The following ATP6V1E1 variants were observed in gnomAD, a reference collection of about 807,000 sequenced individuals.
The protein encoded by ATP6V1E1 is ATPase H+ transporting V1 subunit E1, also known as V-type proton ATPase subunit E 1.
ATP6V1E1 carries 21 observed loss-of-function variants against 35.2 expected under a neutral mutation model. That is an observed-to-expected ratio of 0.60 (90% CI 0.42 to 0.86). The LOEUF (loss-of-function observed/expected upper bound fraction) is 0.86, where lower values mean the gene tolerates loss of function less well. Ranked by LOEUF, ATP6V1E1 falls within the 40% of genes least tolerant of loss-of-function variation. The pLI, the probability that ATP6V1E1 is intolerant of heterozygous loss-of-function variation, is 0.00. For synonymous variants in ATP6V1E1, 83 were observed against 87.8 expected (o/e 0.95, Z 0.30); for missense variants, 183 against 272.6 (o/e 0.67, Z 2.32).
At chr22:17,619,328 G>A in intron 2 of ATP6V1E1, 133 bp downstream of exon 2, 2 of 796,568 alleles carry the variant, frequency 2.5e-6, no homozygotes, top group Non-Finnish European at 4.0e-6. Flanking sequence ...AGGAGGGGAA[G>A]GAGGGAAGGA....
intron 2 of ATP6V1E1, among the ~76,000 whole-genome samples, chr22:17,613,580 G>T (rs1332055438): frequency 6.7e-6 from 1 of 149,008 alleles, no homozygotes; most frequent in Non-Finnish European, 1.5e-5. Flanking sequence ...TAATTGGGTA[G>T]AATATTCTGC....
At chr22:17,620,685 T>G (rs890359162) in intron 1 of ATP6V1E1, among the ~76,000 whole-genome samples, 1 of 152,184 alleles carries the variant, frequency 6.6e-6, no homozygotes, top group Non-Finnish European at 1.5e-5. Flanking sequence ...TCTCAGGGAT[T>G]AGCACCAACA....
Position 17,601,088 on chromosome 22 carries a change from G to A in ATP6V1E1, c.366+4C>T. The stretch of plus-strand genomic sequence containing the variant: ...TCAACAGTAGATCTGGTCTATGAGG[G>A]TACCTGGAGAACCAGTCCATCCAGC... On this transcript the variant is annotated splice_donor_region_variant and intron_variant, in intron 5 of 8. Coordinates refer to ENST00000253413, the MANE Select transcript of ATP6V1E1 (RefSeq NM_001696.4). 6.2e-7 allele frequency: 1 copy of A among 1,611,234 alleles called. No individual in the cohort carries two copies. The highest frequency in any genetic ancestry group is 8.5e-7 in the Non-Finnish European group (1 of 1,178,728).
intron 7 of ATP6V1E1, chr22:17,594,912 G>A (rs1222896837): frequency 2.6e-5 from 5 of 191,664 alleles, no homozygotes; most frequent in African/African-American, 7.0e-5. Flanking sequence ...TAGCTAATAC[G>A]ATGTAAATGG....
chr22:17,605,223 AG>A lies in ATP6V1E1; in HGVS notation c.277-4043del, dbSNP rs1189129633. Among the ~76,000 whole-genome samples, 230 of 133,954 alleles carry A rather than the reference AG, an allele frequency of 1.7e-3. 1 individual carries two copies. Among genetic ancestry groups the A allele is most frequent in the Admixed American group, 5.2e-3 (67 of 12,892 alleles). 87.9% of individuals were successfully genotyped at this position (133,954 alleles called of 152,430 possible). A position where few individuals can be genotyped will look rare whatever the true frequency, so the allele number is the denominator to read the frequency against. ...TTCATCTCAAAAAAAAAAAAAAAAA[AG>A]AAAAGAAAAGAAAAGAAAACTTATG... On this transcript the variant is annotated intron_variant, in intron 4 of 8. Transcript: ENST00000253413.
intron 1 of ATP6V1E1, among the ~76,000 whole-genome samples, chr22:17,626,353 C>CATTTG (rs2057905628): frequency 1.3e-5 from 2 of 150,404 alleles, no homozygotes; most frequent in South Asian, 4.2e-4. Context: ...AGCGGTCTTC[C>CATTTG]ATTTGACACA....
intron 1 of ATP6V1E1, among the ~76,000 whole-genome samples, chr22:17,627,920 C>G (rs574687597): frequency 2.7e-5 from 4 of 149,748 alleles, no homozygotes; most frequent in Non-Finnish European, 3.0e-5. Context: ...GCACTGTTTC[C>G]TATCATATAG....
intron 2 of ATP6V1E1, chr22:17,619,068 C>A (rs5746446): frequency 2.2e-6 from 1 of 454,606 alleles, no homozygotes; most frequent in Non-Finnish European, 4.4e-6. Flanking sequence ...ACGAGGTAGG[C>A]GGATCACAAG....
At chr22:17,625,129 T>C (rs924856707) in intron 1 of ATP6V1E1, among the ~76,000 whole-genome samples, 3 of 152,222 alleles carry the variant, frequency 2.0e-5, no homozygotes, top group African/African-American at 7.2e-5. Context: ...TCTCCATAGA[T>C]ACTAATTTTG....
intron 7 of ATP6V1E1, among the ~76,000 whole-genome samples, chr22:17,597,605 A>G (rs929204680): frequency 2.6e-5 from 4 of 152,018 alleles, no homozygotes; most frequent in Non-Finnish European, 5.9e-5. Flanking sequence ...ACCTCCCCGC[A>G]GAAGGAAAGC....
chr22:17,626,325 A>AAAAG (rs767200159), intron 1 of ATP6V1E1, among the ~76,000 whole-genome samples: 28,276 of 120,358 alleles, frequency 0.23, 4,029 homozygotes, highest in Middle Eastern at 0.27. Context: ...AAAAAAAAAA[A>AAAAG]AAAGAAAGAA....
chr22:17,599,569 C>A (rs1181206308), intron 6 of ATP6V1E1, among the ~76,000 whole-genome samples: 5 of 113,510 alleles, frequency 4.4e-5, no homozygotes. Flanking sequence ...GAGAGCGAAA[C>A]TCCATCTCAA....
intron 8 of ATP6V1E1, among the ~76,000 whole-genome samples, chr22:17,593,295 C>A (rs529992006): frequency 6.7e-6 from 1 of 149,844 alleles, no homozygotes; most frequent in African/African-American, 2.5e-5. Flanking sequence ...CAAAAAAAAA[C>A]CTAAAGTCAC....
chr22:17,626,913 G>T (rs940939579), intron 1 of ATP6V1E1, among the ~76,000 whole-genome samples: 1 of 151,892 alleles, frequency 6.6e-6, no homozygotes. Flanking sequence ...GGGATCAAGC[G>T]ATCCTCCCAC....
intron 7 of ATP6V1E1, among the ~76,000 whole-genome samples, chr22:17,596,877 G>T (rs1276780536): frequency 3.9e-5 from 6 of 151,980 alleles, no homozygotes; most frequent in African/African-American, 1.5e-4. Context: ...AGGTCCCATA[G>T]TAGCAAAAGG....
chr22:17,618,961 C>G (rs1202064092), intron 2 of ATP6V1E1: 2 of 452,276 alleles, frequency 4.4e-6, no homozygotes, highest in Non-Finnish European at 8.8e-6. Context: ...GATCAGGCCA[C>G]TGCACTGCAG....
At position 17,613,240 on chromosome 22, in the gene ATP6V1E1, T is replaced by C; in HGVS notation, c.180A>G (p.Lys60=). 4 of 1,612,594 alleles carry C rather than the reference T, an allele frequency of 2.5e-6. No individual in the cohort carries two copies. Among genetic ancestry groups the C allele is most frequent in the South Asian group, 2.2e-5 (2 of 90,562 alleles). The part of the protein sequence containing the change: ...RLKIMEYYEK[K]EKQIEQQKKI... Reference sequence around the variant, plus strand: ...TCTTCTGCTGCTCAATCTGTTTCTCTTTCTTCTCATAATATTCCATAATCT... The same window carrying C: ...TCTTCTGCTGCTCAATCTGTTTCTCCTTCTTCTCATAATATTCCATAATCT... The change falls in exon 3 of 9, where the codon AAA becomes AAG. Residue 60 remains lysine, a synonymous_variant. Transcript: ENST00000253413.
chr22:17,612,574 T>C (rs2057820622), intron 4 of ATP6V1E1: 1 of 437,058 alleles, frequency 2.3e-6, no homozygotes, highest in Non-Finnish European at 4.1e-6. Context: ...TGTACTACTG[T>C]GCGGTCCACC....
chr22:17,626,049 G>A (rs1037105598), intron 1 of ATP6V1E1, among the ~76,000 whole-genome samples: 3 of 151,974 alleles, frequency 2.0e-5, no homozygotes, highest in Non-Finnish European at 4.4e-5. Flanking sequence ...GCTCATGCCT[G>A]TAATCCCAGC....
Sources: allele counts gnomAD v4.1 joint callset (sites outside exome capture counted in the v4.1 genomes callset), GRCh38; gene constraint gnomAD v4.1.1; transcripts MANE v1.5; gene names NCBI Gene and HGNC (gene_info 2026-07-23, HGNC 2026-07-21).